The following HEATR5B variants were observed in gnomAD, a reference collection of about 807,000 sequenced individuals.
The protein encoded by HEATR5B is HEAT repeat-containing protein 5B.
A neutral mutation model predicts 224.1 loss-of-function variants in HEATR5B; 156 were observed. That is an observed-to-expected ratio of 0.70 (90% CI 0.61 to 0.80). HEATR5B has a LOEUF of 0.80. Among genes scored for constraint, HEATR5B ranks in the 30% least tolerant of loss-of-function variants. HEATR5B has a pLI of 0.00. For missense variants in HEATR5B, 2,323 were observed against 2,535.5 expected, an observed-to-expected ratio of 0.92 and a Z score of 1.80; for synonymous variants, 1,027 against 893.0, an observed-to-expected ratio of 1.15 and a Z score of -2.68.
chr2:37,036,948 T>C (rs1315710933), intron 21 of HEATR5B, among the ~76,000 whole-genome samples: 1 of 151,692 alleles, frequency 6.6e-6, no homozygotes, highest in Non-Finnish European at 1.5e-5. Context: ...AACTATAAAC[T>C]TTACTATGAC....
intron 18 of HEATR5B, among the ~76,000 whole-genome samples, chr2:37,046,324 A>G (rs540554795): frequency 6.6e-6 from 1 of 152,230 alleles, no homozygotes; most frequent in Non-Finnish European, 1.5e-5. Flanking sequence ...CCACAACCAG[A>G]CTTCTGGCAA....
intron 18 of HEATR5B, among the ~76,000 whole-genome samples, chr2:37,047,764 TCA>T (rs1670294025): frequency 6.6e-6 from 1 of 152,192 alleles, no homozygotes; most frequent in Non-Finnish European, 1.5e-5. Flanking sequence ...TTTTAGCATT[TCA>T]CAGTCAGATA....
In HEATR5B at chr2:37,064,832, G is replaced by C; in HGVS notation, c.1492C>G (p.Pro498Ala). The change falls in exon 10 of 36, where the codon CCA becomes GCA. Residue 498 changes from proline to alanine, a missense_variant. By Grantham distance (27) the Pro-to-Ala change is conservative (BLOSUM62 -1). Coordinates refer to ENST00000233099, the MANE Select transcript of HEATR5B (RefSeq NM_019024.3). ...AAACTATATCCACTGACAGCTTCTG[G>C]TGAGGTCTTCAAGTTGTTGAGCCGT... The part of the protein sequence containing the change: ...AERLNNLKTS[P>A]EAVSGYSFAM... 1 of 1,614,054 alleles carries C rather than the reference G, an allele frequency of 6.2e-7. No homozygotes were observed. The highest frequency in any genetic ancestry group is 2.2e-5 in the East Asian group (1 of 44,874).
At position 37,028,773 on chromosome 2, in the gene HEATR5B, T is replaced by C. The variant is rs1558751662; in HGVS notation, c.3509A>G (p.His1170Arg). 3.7e-6 allele frequency: 6 copies of C among 1,614,144 alleles called. No homozygotes were observed. The highest frequency in any genetic ancestry group is 5.1e-6 in the Non-Finnish European group (6 of 1,180,016). The change falls in exon 23 of 36, where the codon CAT (histidine) becomes CGT (arginine). Residue 1170 changes from histidine to arginine, a missense_variant. By Grantham distance (29) the His-to-Arg change is conservative. This residue lies in a region of HEATR5B where 339 missense variants were observed against 378.4 expected (regional missense o/e 0.90). Coordinates refer to ENST00000233099, the MANE Select transcript of HEATR5B (RefSeq NM_019024.3). ...AGAAAGCATATGTCCCAAAGTGTCA[T>C]GAATATCAGAACATAATTTTCGATC... ...ETDRKLCSDIHDTLGHMLSSL... is the reference protein window; with the variant it reads ...ETDRKLCSDIRDTLGHMLSSL...
intron 2 of HEATR5B, among the ~76,000 whole-genome samples, chr2:37,082,711 A>T (rs1009307521): frequency 6.6e-6 from 1 of 152,232 alleles, no homozygotes; most frequent in Non-Finnish European, 1.5e-5. Context: ...ATATCTGTAG[A>T]AACAATGTTA....
chr2:37,044,787 G>C (rs1246620736), intron 18 of HEATR5B, among the ~76,000 whole-genome samples: 1 of 152,138 alleles, frequency 6.6e-6, no homozygotes, highest in Non-Finnish European at 1.5e-5. Context: ...ATGTTACACA[G>C]CTTGATATTG....
chr2:37,080,899 T>C (rs1368988940), intron 2 of HEATR5B, among the ~76,000 whole-genome samples: 1 of 152,116 alleles, frequency 6.6e-6, no homozygotes, highest in Non-Finnish European at 1.5e-5. Flanking sequence ...GGAAGAAAAC[T>C]TCACACAAAC....
chr2:37,058,072 T>C (rs1671026059), intron 14 of HEATR5B, among the ~76,000 whole-genome samples: 1 of 152,176 alleles, frequency 6.6e-6, no homozygotes, highest in Admixed American at 6.6e-5. Flanking sequence ...ATAGGAAGCA[T>C]TTCAGTGTAT....
chr2:37,007,964 T>G (rs1441234002), intron 28 of HEATR5B, among the ~76,000 whole-genome samples: 1 of 152,230 alleles, frequency 6.6e-6, no homozygotes, highest in African/African-American at 2.4e-5. Flanking sequence ...GTTTCTTCCC[T>G]CTGTTTCTTT....
chr2:36,989,645 T>C (rs1020608171), intron 34 of HEATR5B, among the ~76,000 whole-genome samples: 17 of 152,130 alleles, frequency 1.1e-4, no homozygotes, highest in African/African-American at 3.9e-4. Context: ...GGCTCCACTT[T>C]GTATTAGAAA....
At chr2:37,012,721 A>G (rs1186828290) in intron 27 of HEATR5B, among the ~76,000 whole-genome samples, 1 of 152,162 alleles carries the variant, frequency 6.6e-6, no homozygotes, top group Non-Finnish European at 1.5e-5. Context: ...GTACAGAGGA[A>G]GGTGCTGAAG....
intron 28 of HEATR5B, 179 bp downstream of exon 28, chr2:37,008,432 T>C: frequency 1.7e-6 from 1 of 605,948 alleles, no homozygotes; most frequent in Admixed American, 2.9e-5. Flanking sequence ...AAAAGCTCTA[T>C]ATCTTCTATC....
chr2:37,027,533 C>T (rs781175003), intron 24 of HEATR5B, among the ~76,000 whole-genome samples: 1 of 152,198 alleles, frequency 6.6e-6, no homozygotes, highest in Non-Finnish European at 1.5e-5. Context: ...AATTCTGATA[C>T]TCTCCATGGC....
chr2:36,988,087 A>C (rs900698095), intron 35 of HEATR5B, among the ~76,000 whole-genome samples: 5 of 151,620 alleles, frequency 3.3e-5, no homozygotes. Context: ...AGAAAAAAAA[A>C]CCCTATTAAA....
chr2:37,024,741 G>C (rs1485833127), intron 24 of HEATR5B, among the ~76,000 whole-genome samples: 1 of 152,170 alleles, frequency 6.6e-6, no homozygotes, highest in Non-Finnish European at 1.5e-5. Flanking sequence ...TATTTCTCCT[G>C]CACTCTATCA....
chr2:37,008,897 A>T (rs778402544), intron 27 of HEATR5B, 49 bp from the exon 28 acceptor site: 12 of 1,122,034 alleles, frequency 1.1e-5, no homozygotes, highest in Non-Finnish European at 1.6e-5. Flanking sequence ...AGATAAAAAA[A>T]TAAGATATTT....
chr2:37,065,930 T>C lies in HEATR5B; in HGVS notation c.1178-20A>G, dbSNP rs1188388096. ...CTGCTTCTGGAAACACAAAATCATGTCTTTGACATAGGAGAAATGAATTGT... is the reference window on the plus strand; with the variant it reads ...CTGCTTCTGGAAACACAAAATCATGCCTTTGACATAGGAGAAATGAATTGT... On this transcript the variant is annotated intron_variant, in intron 8 of 35. Transcript: ENST00000233099. The C allele has an allele frequency of 1.9e-6, 3 of 1,591,734 alleles. No homozygotes were observed. In the African/African-American group the frequency reaches 4.0e-5, roughly 21 times the overall value.
rs1164585757 is a variant in HEATR5B at position 37,083,293 on chromosome 2, T to C, written c.122A>G (p.Asn41Ser). 3.1e-6 allele frequency: 5 copies of C among 1,613,972 alleles called. No individual in the cohort carries two copies. Among genetic ancestry groups the C allele is most frequent in the African/African-American group, 2.7e-5 (2 of 74,918 alleles). ...GAAAAAAGAGCAATACCATACCTTG[T>C]TGGCAGCAACCAAGACTTTATCAAG... Reference protein sequence around the residue: ...RFLDKVLVAANKTDVKEKQKK... With the variant: ...RFLDKVLVAASKTDVKEKQKK... Residue 41 changes from asparagine (N) to serine (S), a missense_variant, in exon 2 of 36, where the codon AAC (asparagine) becomes AGC (serine). This residue lies in a region of HEATR5B where 292 missense variants were observed against 332.6 expected (regional missense o/e 0.88). Coordinates refer to ENST00000233099, the MANE Select transcript of HEATR5B (RefSeq NM_019024.3).
At chr2:37,040,067 T>C (rs951166987) in intron 20 of HEATR5B, among the ~76,000 whole-genome samples, 7 of 152,224 alleles carry the variant, frequency 4.6e-5, no homozygotes, top group African/African-American at 7.2e-5. Context: ...TTTCTTTTCA[T>C]GGGACTCCAA....
Sources: gnomAD v4.1 joint callset for allele counts (sites outside exome capture counted in the v4.1 genomes callset) on GRCh38, gnomAD v4.1.1 for gene constraint, gnomAD v4.1.1 regional missense constraint, MANE v1.5 for transcripts, NCBI Gene and HGNC (gene_info 2026-07-23, HGNC 2026-07-21) for gene names.